The following LARS1 variants were observed in gnomAD, a reference collection of about 807,000 sequenced individuals.
LARS1 encodes leucine--tRNA ligase, cytoplasmic.
In LARS1, 100 loss-of-function variants were observed where a neutral mutation model predicts 162.8. The observed-to-expected ratio is 0.61, with a 90% CI of 0.52 to 0.73. The LOEUF is 0.73. LARS1 is among the 30% of genes least tolerant of loss of function. The pLI is 0.00. For missense variants in LARS1, 1,258 were observed against 1,408.9 expected (o/e 0.89, Z 1.71); for synonymous variants, 457 against 462.8 (o/e 0.99, Z 0.16).
rs146873951 is a variant in LARS1, at chr5:146,119,827, T to C, written c.3325+544A>G. On this transcript the variant is annotated intron_variant, in intron 31 of 31. Coordinates refer to ENST00000394434, the MANE Select transcript of LARS1 (RefSeq NM_020117.11). ...TTTGAATTCCAGATCTAGAGTTTAC[T>C]AGCTAAACAAACTTTGCAAGTTACT... 2.2e-4 allele frequency among the ~76,000 whole-genome samples: 34 copies of C among 152,296 alleles called. No homozygotes were observed. The East Asian group carries it at 6.6e-3, about 29-fold the overall frequency.
intron 1 of LARS1, chr5:146,181,288 G>C (rs542505078): frequency 6.6e-6 from 1 of 152,278 alleles, no homozygotes; most frequent in African/African-American, 2.4e-5. Flanking sequence ...GGGAGGAGGA[G>C]GTTGCAGTGA....
At chr5:146,149,464 G>A (rs2126506836) in intron 15 of LARS1, among the ~76,000 whole-genome samples, 158 bp downstream of exon 15, 1 of 152,282 alleles carries the variant, frequency 6.6e-6, no homozygotes, top group East Asian at 1.9e-4. Flanking sequence ...GGATGTTCAA[G>A]TTAAATGAAT....
At chr5:146,119,915 T>A (rs1581002086) in intron 31 of LARS1, among the ~76,000 whole-genome samples, 1 of 152,144 alleles carries the variant, frequency 6.6e-6, no homozygotes, top group Non-Finnish European at 1.5e-5. Context: ...CCCTCTACAT[T>A]ATAGAACTGT....
intron 24 of LARS1, 199 bp from the exon 25 acceptor site, chr5:146,130,357 A>G (rs1752225760): frequency 3.4e-6 from 2 of 584,096 alleles, no homozygotes; most frequent in East Asian, 6.2e-5. Context: ...TTTTATACTA[A>G]TAATTCTCAA....
At position 146,160,408 on chromosome 5, in the gene LARS1, A is replaced by G. The variant is rs781226298; in HGVS notation, c.673T>C (p.Leu225=). The change falls in exon 7 of 32, where the codon TTA becomes CTA. Residue 225 remains leucine, a synonymous_variant. Transcript: ENST00000394434. ...DSFVRWQFLT[L]RERNKIKFGK... ...AATTTAATTTTGTTTCTTTCTCTTA[A>G]TGTTAAAAATTGCCATCTGACAAAT... The G allele has an allele frequency of 7.0e-6, 11 of 1,576,788 alleles. No homozygotes were observed. The East Asian group carries it at 2.1e-4, about 30-fold the overall frequency.
intron 4 of LARS1, among the ~76,000 whole-genome samples, chr5:146,170,929 T>C (rs1353347510): frequency 6.6e-6 from 1 of 151,196 alleles, no homozygotes; most frequent in Non-Finnish European, 1.5e-5. Flanking sequence ...CACGCATGCA[T>C]GCATGTGTGC....
rs369437593 is a variant in LARS1, at chr5:146,120,383, G to C, written c.3313C>G (p.Arg1105Gly). 6.7e-5 allele frequency: 108 copies of C among 1,612,694 alleles called. No homozygotes were observed. Among genetic ancestry groups the C allele is most frequent in the Non-Finnish European group, 9.2e-5 (108 of 1,179,194 alleles). ...SIIRRLMKMN[R>G]GIKDLSKVKL... ...GGGAACAACTTACCTTTAATTCCTC[G>C]ATTCATTTTCATTAAACGCCTGATT... Residue 1105 changes from arginine (R) to glycine (G), a missense_variant, in exon 31 of 32, where the codon CGA (arginine) becomes GGA (glycine). By Grantham distance (125) the Arg-to-Gly change is moderately radical (BLOSUM62 -2). Coordinates refer to ENST00000394434, the MANE Select transcript of LARS1 (RefSeq NM_020117.11).
chr5:146,180,425 A>T (rs2939538), intron 1 of LARS1, among the ~76,000 whole-genome samples: 146,823 of 152,094 alleles, frequency 0.97, 71,096 homozygotes, highest in South Asian at 1. Context: ...TCCCAGCTAC[A>T]CAGGAAGCTG....
intron 21 of LARS1, 35 bp from the exon 22 acceptor site, chr5:146,135,699 C>T: frequency 6.8e-7 from 1 of 1,480,428 alleles, no homozygotes; most frequent in East Asian, 2.3e-5. Context: ...TCATTAATAA[C>T]AGTAATATAA....
At chr5:146,144,428 T>C (rs773693490) in intron 17 of LARS1, 44 bp downstream of exon 17, 1 of 1,601,064 alleles carries the variant, frequency 6.2e-7, no homozygotes, top group African/African-American at 1.3e-5. Flanking sequence ...GTTTCCACAT[T>C]TTTCATCTCC....
chr5:146,169,918 T>A (rs1754186076), intron 4 of LARS1, among the ~76,000 whole-genome samples: 1 of 152,152 alleles, frequency 6.6e-6, no homozygotes, highest in Non-Finnish European at 1.5e-5. Context: ...TAACTTAATT[T>A]CACTAAATGG....
intron 25 of LARS1, among the ~76,000 whole-genome samples, chr5:146,129,643 G>A (rs937697276): frequency 1.3e-5 from 2 of 152,102 alleles, no homozygotes; most frequent in African/African-American, 2.4e-5. Context: ...TAGTAAGAAT[G>A]CTACTATCCC....
chr5:146,177,901 A>G (rs986017618), intron 1 of LARS1, among the ~76,000 whole-genome samples: 1 of 152,082 alleles, frequency 6.6e-6, no homozygotes, highest in African/African-American at 2.4e-5. Context: ...GGAGTTCGAG[A>G]TCAGCCTGGC....
At chr5:146,160,565 T>A in intron 6 of LARS1, 79 bp from the exon 7 acceptor site, 1 of 640,644 alleles carries the variant, frequency 1.6e-6, no homozygotes, top group Non-Finnish European at 2.6e-6. Flanking sequence ...ATGAATCAAT[T>A]ATTTACTCTT....
Position 146,182,556 on chromosome 5 carries a change from G to A in LARS1, c.-63C>T. ...ACCCTGGCGACCTCCACAAAGGAGT[G>A]GTTACCTTTCCCCTCCCTCTCGGGG... is the stretch of plus-strand genomic sequence containing the variant. On this transcript the variant is annotated 5_prime_UTR_variant, in exon 1 of 32. Transcript: ENST00000394434. The A allele has an allele frequency of 6.2e-7, 1 of 1,612,100 alleles. No homozygotes were observed. The highest frequency in any genetic ancestry group is 8.5e-7 in the Non-Finnish European group (1 of 1,178,220).
At chr5:146,171,771 T>C in intron 4 of LARS1, 139 bp downstream of exon 4, 1 of 589,320 alleles carries the variant, frequency 1.7e-6, no homozygotes, top group South Asian at 2.7e-5. Flanking sequence ...TATTTTTAAA[T>C]TAATTTTCAC....
At position 146,130,070 on chromosome 5, in the gene LARS1, A is replaced by G. The variant is rs1752212400; in HGVS notation, c.2576T>C (p.Leu859Pro). The G allele has an allele frequency of 6.2e-7, 1 of 1,613,908 alleles. No individual in the cohort carries two copies. The highest frequency in any genetic ancestry group is 1.3e-5 in the African/African-American group (1 of 74,934). ...ACACAAATGTGGACAGAATGGAGCG[A>G]GGAGAAGTGTCTGAACTTCAATAAA... The part of the protein sequence containing the change: ...FRFIEVQTLL[L>P]APFCPHLCEH... Residue 859 changes from leucine (L) to proline (P), a missense_variant, in exon 25 of 32, where the codon CTC becomes CCC. By Grantham distance (98) the Leu-to-Pro change is moderately conservative. Transcript: ENST00000394434.
intron 2 of LARS1, among the ~76,000 whole-genome samples, chr5:146,176,547 T>C (rs965717448): frequency 6.6e-6 from 1 of 152,048 alleles, no homozygotes. Flanking sequence ...ACAGTAAGTG[T>C]TCAATGTTAA....
chr5:146,150,942 G>GACAGACACACACAC (rs1753256124), intron 14 of LARS1, among the ~76,000 whole-genome samples: 1 of 134,808 alleles, frequency 7.4e-6, no homozygotes, highest in Admixed American at 7.7e-5. Context: ...CCGTCAGATA[G>GACAGACACACACAC]ACACACACAC....
Sources: gnomAD v4.1 joint callset for allele counts (sites outside exome capture counted in the v4.1 genomes callset) on GRCh38, gnomAD v4.1.1 for gene constraint, MANE v1.5 for transcripts, NCBI Gene and HGNC (gene_info 2026-07-23, HGNC 2026-07-21) for gene names.